Variants in MAPK14 observed in about 807,000 individuals in gnomAD.
MAPK14 encodes the protein mitogen-activated protein kinase 14, also known as CSAID-binding protein.
MAPK14 carries 16 observed loss-of-function variants against 49.6 expected under a neutral mutation model. The observed-to-expected ratio is 0.32, with a 90% CI of 0.22 to 0.49. The LOEUF (loss-of-function observed/expected upper bound fraction) is 0.49, where lower values mean the gene tolerates loss of function less well. Ranked by LOEUF, MAPK14 falls within the 20% of genes least tolerant of loss-of-function variation. The pLI, the probability that MAPK14 is intolerant of heterozygous loss-of-function variation, is 0.99. For synonymous variants in MAPK14, 142 were observed against 158.0 expected (o/e 0.90, Z 0.76); for missense variants, 200 against 441.2 (o/e 0.45, Z 4.90).
intron 1 of MAPK14, among the ~76,000 whole-genome samples, chr6:36,048,477 T>C (rs1399986134): frequency 6.6e-6 from 1 of 152,226 alleles, no homozygotes; most frequent in Middle Eastern, 3.2e-3. Context: ...GTGCCTGGCA[T>C]AATTTATATT....
chr6:36,089,347 ATGG>A (rs1765124145), intron 8 of MAPK14, among the ~76,000 whole-genome samples: 1 of 152,168 alleles, frequency 6.6e-6, no homozygotes, highest in African/African-American at 2.4e-5. Context: ...ACATGGACAC[ATGG>A]AGGAGAACAA....
chr6:36,121,755 G>A, the MAPK14 span, among the ~76,000 whole-genome samples: 2 of 152,094 alleles, frequency 1.3e-5, no homozygotes, highest in African/African-American at 2.4e-5. Flanking sequence ...ATCATCCAGC[G>A]CAGCTAAGCA....
chr6:36,062,097 C>A (rs564239802), intron 3 of MAPK14, among the ~76,000 whole-genome samples: 1 of 152,246 alleles, frequency 6.6e-6, no homozygotes, highest in South Asian at 2.1e-4. Flanking sequence ...CCACCTCAGT[C>A]CCCCAAGTAG....
chr6:36,057,488 C>A (rs1450846493), intron 2 of MAPK14, among the ~76,000 whole-genome samples: 2 of 152,150 alleles, frequency 1.3e-5, no homozygotes, highest in African/African-American at 4.8e-5. Context: ...GAAACCTATT[C>A]TTGAATTCCA....
chr6:36,071,725 G>A (rs909253927), intron 3 of MAPK14, among the ~76,000 whole-genome samples: 33 of 152,118 alleles, frequency 2.2e-4, no homozygotes, highest in African/African-American at 7.7e-4. Flanking sequence ...AAAATGTAGC[G>A]GTGGATTTAA....
intron 8 of MAPK14, among the ~76,000 whole-genome samples, chr6:36,094,327 A>G (rs1765364391): frequency 6.6e-6 from 1 of 152,212 alleles, no homozygotes; most frequent in Admixed American, 6.5e-5. Context: ...AGGGCCAGGT[A>G]GTTAATATTT....
intron 9 of MAPK14, among the ~76,000 whole-genome samples, chr6:36,099,812 T>C (rs1406349203): frequency 6.6e-6 from 1 of 152,214 alleles, no homozygotes; most frequent in Non-Finnish European, 1.5e-5. Context: ...TGAGTCAAAA[T>C]TTTTGGAATC....
chr6:36,067,163 G>T (rs1764093299), intron 3 of MAPK14, among the ~76,000 whole-genome samples: 1 of 152,032 alleles, frequency 6.6e-6, no homozygotes, highest in Non-Finnish European at 1.5e-5. Context: ...ATATCATTCA[G>T]TTTTTGCCTG....
chr6:36,043,619 AGAG>A (rs1763049805), intron 1 of MAPK14, among the ~76,000 whole-genome samples: 1 of 152,144 alleles, frequency 6.6e-6, no homozygotes, highest in Non-Finnish European at 1.5e-5. Flanking sequence ...CTACAGGTAA[AGAG>A]AAAGTTCCAA....
At chr6:36,076,458 C>A (rs926154112) in intron 7 of MAPK14, 79 bp from the exon 8 acceptor site, 3 of 978,424 alleles carry the variant, frequency 3.1e-6, no homozygotes, top group Non-Finnish European at 3.3e-6. Context: ...ATATTTCACC[C>A]CTAGTTACGG....
intron 1 of MAPK14, among the ~76,000 whole-genome samples, chr6:36,043,504 A>G (rs1434766404): frequency 1.3e-5 from 2 of 152,234 alleles, no homozygotes; most frequent in Non-Finnish European, 2.9e-5. Flanking sequence ...ATATTTGCAC[A>G]TTTACTTGAA....
intron 8 of MAPK14, among the ~76,000 whole-genome samples, chr6:36,088,491 G>A (rs2127459236): frequency 6.6e-6 from 1 of 152,254 alleles, no homozygotes; most frequent in South Asian, 2.1e-4. Flanking sequence ...GGGAGGCTGA[G>A]GCAGGTGGAT....
At chr6:36,056,233 A>G (rs1004930806) in intron 2 of MAPK14, among the ~76,000 whole-genome samples, 2 of 152,212 alleles carry the variant, frequency 1.3e-5, no homozygotes, top group Non-Finnish European at 2.9e-5. Flanking sequence ...TGTCTATTCA[A>G]CTGTGTGGGC....
chr6:36,123,740 T>C, the MAPK14 span, among the ~76,000 whole-genome samples: 4 of 152,178 alleles, frequency 2.6e-5, no homozygotes, highest in Non-Finnish European at 5.9e-5. Flanking sequence ...ATTAATATTA[T>C]GCTGAATGCT....
intron 10 of MAPK14, among the ~76,000 whole-genome samples, chr6:36,105,768 G>A (rs1765780286): frequency 6.6e-6 from 1 of 152,104 alleles, no homozygotes; most frequent in Non-Finnish European, 1.5e-5. Flanking sequence ...GATCTCTATA[G>A]GAAGCTGTCC....
intron 8 of MAPK14, among the ~76,000 whole-genome samples, chr6:36,081,612 T>C (rs1456644430): frequency 1.3e-5 from 2 of 152,238 alleles, no homozygotes; most frequent in Non-Finnish European, 2.9e-5. Context: ...TCTATCCTTA[T>C]GGCAATACCA....
intron 8 of MAPK14, chr6:36,092,420 G>A (rs1353928844): frequency 4.4e-6 from 3 of 678,248 alleles, no homozygotes; most frequent in Admixed American, 1.8e-5. Flanking sequence ...TCACCAGAAC[G>A]ATACACTCGT....
chr6:36,077,982 C>G (rs1764598332), intron 8 of MAPK14, among the ~76,000 whole-genome samples: 1 of 152,212 alleles, frequency 6.6e-6, no homozygotes, highest in Non-Finnish European at 1.5e-5. Flanking sequence ...CTGTTCCCTG[C>G]TCCCCTTCCT....
At chr6:36,050,123 T>G (rs1763336416) in intron 1 of MAPK14, among the ~76,000 whole-genome samples, 1 of 152,210 alleles carries the variant, frequency 6.6e-6, no homozygotes, top group Non-Finnish European at 1.5e-5. Context: ...GATTCTACAG[T>G]CTTTCTTGTT....
Sources: allele counts gnomAD v4.1 joint callset (sites outside exome capture counted in the v4.1 genomes callset), GRCh38; gene constraint gnomAD v4.1.1; transcripts MANE v1.5; gene names NCBI Gene and HGNC (gene_info 2026-07-23, HGNC 2026-07-21).